CDK19: variants seen among roughly 807,000 people sequenced by gnomAD.
The protein encoded by CDK19 is cyclin dependent kinase 19.
Under a neutral mutation model 68.3 loss-of-function variants are expected in CDK19, and 20 were observed. The observed-to-expected ratio is 0.29, with a 90% CI of 0.21 to 0.43. The LOEUF (loss-of-function observed/expected upper bound fraction) is 0.43, where lower values mean the gene tolerates loss of function less well. Among genes scored for constraint, CDK19 ranks in the 20% least tolerant of loss-of-function variants. CDK19 has a pLI of 1.00. For synonymous variants in CDK19, 221 were observed against 222.8 expected (o/e 0.99, Z 0.07); for missense variants, 339 against 623.5 (o/e 0.54, Z 4.86).
intron 1 of CDK19, among the ~76,000 whole-genome samples, chr6:110,779,625 A>G (rs970692860): frequency 6.6e-6 from 1 of 152,204 alleles, no homozygotes; most frequent in African/African-American, 2.4e-5. Flanking sequence ...TAAGTACTTC[A>G]AAGACCTTGG....
chr6:110,756,430 G>C (rs906151317), intron 1 of CDK19, among the ~76,000 whole-genome samples: 7 of 151,258 alleles, frequency 4.6e-5, no homozygotes, highest in African/African-American at 1.7e-4. Flanking sequence ...GGGTGTGGTG[G>C]CTCGCCCCTT....
intron 1 of CDK19, among the ~76,000 whole-genome samples, chr6:110,802,244 T>C (rs757269661): frequency 1.9e-4 from 29 of 152,186 alleles, no homozygotes; most frequent in Non-Finnish European, 3.7e-4. Flanking sequence ...ATATTTATCA[T>C]AACACTATTC....
chr6:110,721,696 C>T (rs1293792767), intron 2 of CDK19, among the ~76,000 whole-genome samples: 2 of 152,226 alleles, frequency 1.3e-5, no homozygotes, highest in East Asian at 1.9e-4. Context: ...CCGGGCATGG[C>T]AGCTCACGCC....
chr6:110,733,851 T>G (rs1043812092), intron 2 of CDK19, among the ~76,000 whole-genome samples: 4 of 152,154 alleles, frequency 2.6e-5, no homozygotes, highest in Non-Finnish European at 5.9e-5. Flanking sequence ...CCACTATTCT[T>G]GACTTACCAA....
intron 2 of CDK19, among the ~76,000 whole-genome samples, chr6:110,705,041 A>G (rs1028033919): frequency 7.8e-6 from 1 of 128,554 alleles, no homozygotes; most frequent in Non-Finnish European, 1.7e-5. Context: ...GAAGAAATGT[A>G]GTTTTTTTTT....
At chr6:110,763,909 G>T (rs1006442241) in intron 1 of CDK19, among the ~76,000 whole-genome samples, 1 of 152,112 alleles carries the variant, frequency 6.6e-6, no homozygotes, top group African/African-American at 2.4e-5. Flanking sequence ...TAGCAAGATT[G>T]CAGGGTACAA....
intron 4 of CDK19, among the ~76,000 whole-genome samples, chr6:110,642,653 A>G (rs558832877): frequency 6.6e-6 from 1 of 152,292 alleles, no homozygotes; most frequent in Non-Finnish European, 1.5e-5. Flanking sequence ...CAGAACAGCT[A>G]TATGCTATAT....
chr6:110,704,844 A>T (rs558289686), intron 2 of CDK19, among the ~76,000 whole-genome samples: 16 of 152,032 alleles, frequency 1.1e-4, no homozygotes, highest in Non-Finnish European at 2.9e-5. Flanking sequence ...AGGGAGGGAG[A>T]ATAGGACCTG....
intron 2 of CDK19, among the ~76,000 whole-genome samples, chr6:110,683,440 G>A (rs1160439529): frequency 3.3e-5 from 5 of 151,986 alleles, no homozygotes; most frequent in Admixed American, 2.0e-4. Flanking sequence ...AGGCTGAGTT[G>A]GAAAATGCCA....
chr6:110,620,028 T>C (rs1249400054), intron 12 of CDK19, among the ~76,000 whole-genome samples: 1 of 152,190 alleles, frequency 6.6e-6, no homozygotes, highest in Non-Finnish European at 1.5e-5. Flanking sequence ...AATTCAAATA[T>C]GCTCATGCTA....
intron 2 of CDK19, among the ~76,000 whole-genome samples, chr6:110,693,065 A>G (rs539674153): frequency 2.1e-4 from 32 of 152,298 alleles, no homozygotes; most frequent in African/African-American, 6.7e-4. Context: ...AATGTAAAGC[A>G]AAAGTGAGCA....
At chr6:110,685,421 C>T (rs1772392103) in intron 2 of CDK19, among the ~76,000 whole-genome samples, 2 of 152,170 alleles carry the variant, frequency 1.3e-5, no homozygotes, top group African/African-American at 4.8e-5. Flanking sequence ...TCTATGTTCC[C>T]ATCCATACTG....
chr6:110,780,816 T>G (rs996763567), intron 1 of CDK19, among the ~76,000 whole-genome samples: 1 of 152,082 alleles, frequency 6.6e-6, no homozygotes, highest in African/African-American at 2.4e-5. Flanking sequence ...CTCTGGAAGA[T>G]TTCCCATCTT....
intron 1 of CDK19, among the ~76,000 whole-genome samples, chr6:110,807,145 TA>T (rs761400244): frequency 3.5e-3 from 437 of 125,194 alleles, no homozygotes; most frequent in Middle Eastern, 4.5e-3. Flanking sequence ...ACAAATAATT[TA>T]AAAAAAAAAA....
intron 2 of CDK19, among the ~76,000 whole-genome samples, chr6:110,671,607 A>G (rs1424716920): frequency 6.6e-6 from 1 of 152,232 alleles, no homozygotes; most frequent in Admixed American, 6.5e-5. Flanking sequence ...TCAAATAGCT[A>G]GAAAGAGAAG....
Position 110,657,186 on chromosome 6 carries a change from G to C in CDK19, c.456+10248C>G, listed in dbSNP as rs550034535. Among the ~76,000 whole-genome samples, 21 of 152,324 alleles carry C rather than the reference G, an allele frequency of 1.4e-4. No individual in the cohort carries two copies. The South Asian group carries it at 3.9e-3, about 29-fold the overall frequency. ...TGTGCGGAGAGTAGCAGGTCCAGAT[G>C]AAAACCCAGTTCTCTCAGAGATGCA... On this transcript the variant is annotated intron_variant, in intron 4 of 12. Transcript: ENST00000368911.
At chr6:110,707,403 C>T (rs527367196) in intron 2 of CDK19, among the ~76,000 whole-genome samples, 1 of 152,028 alleles carries the variant, frequency 6.6e-6, no homozygotes, top group South Asian at 2.1e-4. Context: ...CAATAAATGG[C>T]AGAACAGGCA....
At position 110,612,398 on chromosome 6, in the gene CDK19, A is replaced by T. The variant is rs1212701130; in HGVS notation, c.*2137T>A. 6.5e-6 allele frequency: 1 copy of T among 152,672 alleles called. No homozygotes were observed. Among genetic ancestry groups the T allele is most frequent in the Non-Finnish European group, 1.5e-5 (1 of 68,038 alleles). The allele number at this position is 152,672 out of a possible 1,614,324, so 9.5% of individuals were successfully genotyped here. On this transcript the variant is annotated 3_prime_UTR_variant, in exon 13 of 13. Transcript: ENST00000368911. ...TTCCATAATATTATTTACAGAACAGATTTGGGGATAGTAACTACCCAAGTG... is the reference window on the plus strand; with the variant it reads ...TTCCATAATATTATTTACAGAACAGTTTTGGGGATAGTAACTACCCAAGTG...
At chr6:110,652,980 G>A (rs1330219221) in intron 4 of CDK19, among the ~76,000 whole-genome samples, 1 of 152,022 alleles carries the variant, frequency 6.6e-6, no homozygotes, top group African/African-American at 2.4e-5. Context: ...CACAGAGAAG[G>A]GCTCCTGTAG....
Sources: gnomAD v4.1 joint callset for allele counts (sites outside exome capture counted in the v4.1 genomes callset) on GRCh38, gnomAD v4.1.1 for gene constraint, MANE v1.5 for transcripts, NCBI Gene and HGNC (gene_info 2026-07-23, HGNC 2026-07-21) for gene names.